Variants in MOBP observed in about 807,000 individuals in gnomAD.
The protein encoded by MOBP is myelin associated oligodendrocyte basic protein.
In MOBP, 5 loss-of-function variants were observed where a neutral mutation model predicts 15.0. That is an observed-to-expected ratio of 0.33 (90% CI 0.17 to 0.70). MOBP has a LOEUF of 0.70. MOBP is among the 30% of genes least tolerant of loss of function. The probability of loss-of-function intolerance (pLI) is 0.67; values close to 1 mark genes in which losing one functional copy is unlikely to be tolerated. For missense variants in MOBP, 188 were observed against 257.8 expected, an observed-to-expected ratio of 0.73 and a Z score of 1.85; for synonymous variants, 88 against 99.0, an observed-to-expected ratio of 0.89 and a Z score of 0.66.
At chr3:39,500,637 T>C (rs1303152326) in intron 2 of MOBP, among the ~76,000 whole-genome samples, 1 of 152,100 alleles carries the variant, frequency 6.6e-6, no homozygotes, top group Non-Finnish European at 1.5e-5. Context: ...TGGGGTGCAC[T>C]GATGAGTGAG....
At chr3:39,528,739 A>G (rs1369183559), downstream of MOBP, 1 of 152,262 alleles carries the variant, frequency 6.6e-6, no homozygotes, top group Admixed American at 6.5e-5. Context: ...AAATAATGCA[A>G]GCCTATTGGA....
intron 2 of MOBP, among the ~76,000 whole-genome samples, chr3:39,481,376 C>G (rs1431332079): frequency 6.6e-6 from 1 of 152,214 alleles, no homozygotes; most frequent in African/African-American, 2.4e-5. Flanking sequence ...TTCATACTGT[C>G]AAAAGTCTTC....
At chr3:39,520,619 CAG>C (rs2043255753), downstream of MOBP, among the ~76,000 whole-genome samples, 1 of 148,848 alleles carries the variant, frequency 6.7e-6, no homozygotes, top group Non-Finnish European at 1.5e-5. Flanking sequence ...AAGAGAGAGA[CAG>C]AGGAAAAGAG....
At chr3:39,483,975 C>T (rs1379770926) in intron 2 of MOBP, among the ~76,000 whole-genome samples, 5 of 152,194 alleles carry the variant, frequency 3.3e-5, no homozygotes, top group Admixed American at 1.3e-4. Context: ...TGTCAACGTT[C>T]GTTCATTAAG....
chr3:39,506,923 C>T (rs2125662039), downstream of MOBP, among the ~76,000 whole-genome samples: 2 of 152,312 alleles, frequency 1.3e-5, no homozygotes, highest in East Asian at 3.9e-4. Context: ...GGGCTGTTCT[C>T]TCATTCAGTC....
chr3:39,524,622 G>T (rs541057162), exon 5 of MOBP: 1 of 152,132 alleles, frequency 6.6e-6, no homozygotes, highest in Non-Finnish European at 1.5e-5. Flanking sequence ...ACACCTTTGG[G>T]TTGCAATCTG....
Position 39,502,348 on chromosome 3 carries a change from G to A in MOBP, c.206+73G>A. 4.4e-6 allele frequency: 7 copies of A among 1,595,508 alleles called. No homozygotes were observed. The highest frequency in any genetic ancestry group is 6.0e-6 in the Non-Finnish European group (7 of 1,171,420). On this transcript the variant is annotated intron_variant, in intron 3 of 3. Coordinates refer to ENST00000684792, the MANE Select transcript of MOBP (RefSeq NM_001393704.1). The surrounding 1 kb of genome is among the most constrained non-coding windows in gnomAD (Gnocchi z 6.3). ...TCTCGGCTCCCAGCACGCCCCTCCC[G>A]CTCCGCACCCCACTCTTCCCCCTAG...
At chr3:39,497,556 A>G (rs1231628266) in intron 2 of MOBP, among the ~76,000 whole-genome samples, 1 of 152,198 alleles carries the variant, frequency 6.6e-6, no homozygotes, top group African/African-American at 2.4e-5. Context: ...AGTCACACAG[A>G]TGTGGATTCA....
downstream of MOBP, chr3:39,526,206 A>G (rs1031963848): frequency 2.0e-5 from 3 of 152,256 alleles, no homozygotes. Context: ...CACATCATCC[A>G]GAAGACACAC....
At chr3:39,523,563 C>CT (rs1050979764) in intron 3 of MOBP, among the ~76,000 whole-genome samples, 8 of 152,076 alleles carry the variant, frequency 5.3e-5, no homozygotes, top group East Asian at 3.9e-4. Flanking sequence ...TTCATAATTT[C>CT]TTTTTTTTAT....
At chr3:39,498,497 C>A (rs1280978598) in intron 2 of MOBP, among the ~76,000 whole-genome samples, 3 of 152,078 alleles carry the variant, frequency 2.0e-5, no homozygotes, top group Non-Finnish European at 2.9e-5. Flanking sequence ...ATTACAGGCA[C>A]GTGCCACCAC....
intron 2 of MOBP, among the ~76,000 whole-genome samples, chr3:39,483,237 G>A (rs1425824446): frequency 6.6e-6 from 1 of 152,122 alleles, no homozygotes; most frequent in Non-Finnish European, 1.5e-5. Flanking sequence ...ATGAATGAAT[G>A]GTTTTAATAT....
At chr3:39,508,884 C>A (rs2043082053) in intron 4 of MOBP, among the ~76,000 whole-genome samples, 2 of 152,138 alleles carry the variant, frequency 1.3e-5, no homozygotes, top group South Asian at 4.2e-4. Flanking sequence ...CCCTAGAATC[C>A]CTTGCCTTCT....
At chr3:39,480,980 C>T (rs944671600) in intron 2 of MOBP, among the ~76,000 whole-genome samples, 20 of 152,174 alleles carry the variant, frequency 1.3e-4, no homozygotes, top group Non-Finnish European at 2.4e-4. Flanking sequence ...GTTGACTTGC[C>T]CTTTCACCTC....
rs752863540 is a variant in MOBP at position 39,502,591 on chromosome 3, C to T, written c.263C>T (p.Pro88Leu). The change falls in exon 4 of 4, where the codon CCC becomes CTC. Residue 88 changes from proline (P) to leucine (L), a missense_variant. Physicochemically the swap from Pro to Leu is moderately conservative, Grantham distance 98. Around this residue, in one of 2 missense-constraint regions of MOBP, gnomAD observed 133 missense variants for 212.5 expected, o/e 0.63. Transcript: ENST00000684792. The surrounding 1 kb of genome is among the most constrained non-coding windows in gnomAD (Gnocchi z 6.3). ...QRPKQQPAAPPAVVRAPAKPR... is the reference protein window; with the variant it reads ...QRPKQQPAAPLAVVRAPAKPR... Reference sequence around the variant, plus strand: ...CCCAAGCAACAGCCAGCTGCGCCCCCCGCGGTGGTCAGAGCGCCAGCCAAG... The same window carrying T: ...CCCAAGCAACAGCCAGCTGCGCCCCTCGCGGTGGTCAGAGCGCCAGCCAAG... The T allele has an allele frequency of 1.9e-6, 3 of 1,571,348 alleles. No individual in the cohort carries two copies. Among genetic ancestry groups the T allele is most frequent in the African/African-American group, 2.7e-5 (2 of 74,222 alleles).
chr3:39,527,709 TG>T (rs1441241561), downstream of MOBP: 1 of 152,370 alleles, frequency 6.6e-6, no homozygotes, highest in African/African-American at 2.4e-5. Context: ...TCCACCCACC[TG>T]GGCCTCCCAA....
At chr3:39,487,691 T>G (rs2042736716) in intron 2 of MOBP, among the ~76,000 whole-genome samples, 1 of 151,672 alleles carries the variant, frequency 6.6e-6, no homozygotes, top group African/African-American at 2.4e-5. Flanking sequence ...GCCTGGCTAA[T>G]TTTTTGTATT....
intron 3 of MOBP, among the ~76,000 whole-genome samples, chr3:39,523,324 G>C (rs2043293158): frequency 6.6e-6 from 1 of 152,128 alleles, no homozygotes; most frequent in Non-Finnish European, 1.5e-5. Flanking sequence ...AGTATAATCT[G>C]ATACATATCT....
rs532530704 is a variant in MOBP at position 39,521,397 on chromosome 3, T to C, written c.*259-2846T>C. Among the ~76,000 whole-genome samples the C allele has an allele frequency of 2.3e-4, 35 of 152,286 alleles. 1 individual carries two copies. Among genetic ancestry groups the C allele is most frequent in the Admixed American group, 1.4e-3 (22 of 15,294 alleles). On this transcript the variant is annotated intron_variant and NMD_transcript_variant, in intron 3 of 4. Coordinates refer to the MOBP transcript ENST00000424090. ...TTTTATACAGGGGAAAAATCAGGCT[T>C]GTGTGTGTATGTGAATATAGAATTT...
Sources: gnomAD v4.1 joint callset for allele counts (sites outside exome capture counted in the v4.1 genomes callset) on GRCh38, gnomAD v4.1.1 for gene constraint, gnomAD v4.1.1 regional missense constraint, Gnocchi (gnomAD v3.1) non-coding constraint, MANE v1.5 for transcripts, NCBI Gene and HGNC (gene_info 2026-07-23, HGNC 2026-07-21) for gene names.